Variants in FTCDNL1 observed in about 807,000 individuals in gnomAD.
The protein encoded by FTCDNL1 is formiminotransferase N-terminal subdomain-containing protein.
In FTCDNL1, 11 loss-of-function variants were observed where a neutral mutation model predicts 5.9. The observed-to-expected ratio is 1.87, with a 90% CI of 1.18 to 3.10. The LOEUF (loss-of-function observed/expected upper bound fraction) is 3.10, where lower values mean the gene tolerates loss of function less well. Ranked by LOEUF, FTCDNL1 falls within the 30% of genes most tolerant of loss-of-function variation. The pLI is 0.00. For synonymous variants in FTCDNL1, 58 were observed against 24.8 expected, an observed-to-expected ratio of 2.34 and a Z score of -3.99; for missense variants, 115 against 65.5, an observed-to-expected ratio of 1.76 and a Z score of -2.61.
the FTCDNL1 span, among the ~76,000 whole-genome samples, chr2:199,737,139 ACCT>A: frequency 1.3e-5 from 2 of 152,220 alleles, no homozygotes; most frequent in Non-Finnish European, 2.9e-5. Context: ...GGAAACAATT[ACCT>A]TGGACCAAAT....
At chr2:199,740,018 C>T in the FTCDNL1 span, among the ~76,000 whole-genome samples, 1 of 152,102 alleles carries the variant, frequency 6.6e-6, no homozygotes, top group African/African-American at 2.4e-5. Flanking sequence ...GGCGAGAGTA[C>T]GCATTGCCGC....
At chr2:199,696,242 A>G in the FTCDNL1 span, among the ~76,000 whole-genome samples, 1 of 152,122 alleles carries the variant, frequency 6.6e-6, no homozygotes, top group African/African-American at 2.4e-5. Context: ...GCACGCATAC[A>G]TGGACCCCAC....
At chr2:199,714,613 G>A in the FTCDNL1 span, among the ~76,000 whole-genome samples, 3 of 152,244 alleles carry the variant, frequency 2.0e-5, no homozygotes, top group Middle Eastern at 3.4e-3. Context: ...CCAAATGGAT[G>A]TTCCCAAGTT....
At chr2:199,747,627 C>A in the FTCDNL1 span, among the ~76,000 whole-genome samples, 4 of 149,350 alleles carry the variant, frequency 2.7e-5, no homozygotes, top group Non-Finnish European at 5.9e-5. Flanking sequence ...GACCTTGGAT[C>A]ACATCCAGGA....
At chr2:199,765,556 A>ATATATATATATATATATATATATTT in intron 3 of FTCDNL1, among the ~76,000 whole-genome samples, 7 of 42,664 alleles carry the variant, frequency 1.6e-4, no homozygotes, top group African/African-American at 4.5e-4. Flanking sequence ...ATATATATAT[A>ATATATATATATATATATATATATTT]TTTTTTTTTT....
intron 3 of FTCDNL1, among the ~76,000 whole-genome samples, chr2:199,777,601 T>C (rs903951050): frequency 3.9e-5 from 6 of 152,116 alleles, no homozygotes; most frequent in Non-Finnish European, 7.3e-5. Context: ...ACAGAAACAA[T>C]TAGAAGAATG....
rs1336918059 is a variant in FTCDNL1, at chr2:199,812,506, G to A, written c.*199C>T. 6.9e-6 allele frequency: 3 copies of A among 437,688 alleles called. No homozygotes were observed. The highest frequency in any genetic ancestry group is 8.0e-6 in the Non-Finnish European group (2 of 248,834). The allele number at this position is 437,688 out of a possible 1,614,324, so 27.1% of individuals were successfully genotyped here. ...GAGAGATAATTAATCCCAGCAAATC[G>A]TATTTCTAGTTAAATGTCATATAAT... On this transcript the variant is annotated 3_prime_UTR_variant, in exon 5 of 5. Coordinates refer to ENST00000420128, the MANE Select transcript of FTCDNL1 (RefSeq NM_001363886.2).
chr2:199,790,452 C>A (rs148229233), intron 3 of FTCDNL1, among the ~76,000 whole-genome samples: 2,217 of 149,128 alleles, frequency 0.015, 23 homozygotes, highest in Middle Eastern at 0.024. Context: ...GAGCCAAGAT[C>A]GTGCCACTGC....
chr2:199,831,217 T>A (rs1702350842), intron 3 of FTCDNL1, among the ~76,000 whole-genome samples: 1 of 152,216 alleles, frequency 6.6e-6, no homozygotes, highest in Non-Finnish European at 1.5e-5. Flanking sequence ...AAAAAACTTA[T>A]TTATTATGGA....
intron 3 of FTCDNL1, among the ~76,000 whole-genome samples, chr2:199,840,460 G>T (rs993193277): frequency 2.0e-5 from 3 of 152,052 alleles, no homozygotes; most frequent in African/African-American, 7.2e-5. Flanking sequence ...AGTGTGAGTG[G>T]TGTGTGTCTG....
At chr2:199,849,025 T>C in intron 1 of FTCDNL1, 56 bp from the exon 2 acceptor site, 1 of 667,860 alleles carries the variant, frequency 1.5e-6, no homozygotes, top group South Asian at 1.6e-5. Flanking sequence ...ATTTTCATGT[T>C]TTAACTATAA....
chr2:199,850,331 T>G (rs541984799), intron 1 of FTCDNL1, among the ~76,000 whole-genome samples: 1 of 152,338 alleles, frequency 6.6e-6, no homozygotes, highest in South Asian at 2.1e-4. Context: ...TTCAGTGTGT[T>G]TATGCAGCTT....
At chr2:199,723,518 G>A in the FTCDNL1 span, among the ~76,000 whole-genome samples, 1 of 152,022 alleles carries the variant, frequency 6.6e-6, no homozygotes, top group African/African-American at 2.4e-5. Context: ...TTGGCTGTGG[G>A]TTTGTCAAAA....
At chr2:199,793,937 G>A (rs764096261) in intron 3 of FTCDNL1, among the ~76,000 whole-genome samples, 10 of 152,088 alleles carry the variant, frequency 6.6e-5, no homozygotes, top group Non-Finnish European at 2.9e-5. Flanking sequence ...GGACCAAAAC[G>A]TTATAGAAAG....
At chr2:199,709,966 C>A in the FTCDNL1 span, among the ~76,000 whole-genome samples, 1 of 152,124 alleles carries the variant, frequency 6.6e-6, no homozygotes, top group South Asian at 2.1e-4. Flanking sequence ...TCATTATTCT[C>A]AGCTTCCATA....
intron 3 of FTCDNL1, among the ~76,000 whole-genome samples, chr2:199,800,261 G>A (rs1384528472): frequency 6.6e-6 from 1 of 152,128 alleles, no homozygotes; most frequent in African/African-American, 2.4e-5. Context: ...AAACTTACAA[G>A]ATATATGACC....
At chr2:199,681,152 G>C in the FTCDNL1 span, among the ~76,000 whole-genome samples, 1 of 152,212 alleles carries the variant, frequency 6.6e-6, no homozygotes, top group African/African-American at 2.4e-5. Context: ...GGAAAAGAGA[G>C]ATAGAAAAGC....
chr2:199,688,811 C>T, the FTCDNL1 span, among the ~76,000 whole-genome samples: 1 of 152,164 alleles, frequency 6.6e-6, no homozygotes, highest in Admixed American at 6.5e-5. Context: ...ACAGTTCTGC[C>T]TCGGGTTGAT....
At chr2:199,803,794 G>A (rs1203860748) in intron 3 of FTCDNL1, among the ~76,000 whole-genome samples, 1 of 152,162 alleles carries the variant, frequency 6.6e-6, no homozygotes, top group Non-Finnish European at 1.5e-5. Context: ...TAGGGCAGTG[G>A]TATAAACCTA....
Sources: allele counts gnomAD v4.1 joint callset (sites outside exome capture counted in the v4.1 genomes callset), GRCh38; gene constraint gnomAD v4.1.1; transcripts MANE v1.5; gene names NCBI Gene and HGNC (gene_info 2026-07-23, HGNC 2026-07-21).